Variants in CUEDC1 observed in about 807,000 individuals in gnomAD.
CUEDC1 encodes the protein CUE domain containing 1.
A neutral mutation model predicts 43.7 loss-of-function variants in CUEDC1; 30 were observed. The observed-to-expected ratio is 0.69, with a 90% confidence interval of 0.51 to 0.93. CUEDC1 has a LOEUF of 0.93. Ranked by LOEUF, CUEDC1 falls within the 40% of genes least tolerant of loss-of-function variation. The pLI is 0.00. For synonymous variants in CUEDC1, 223 were observed against 223.6 expected (o/e 1.00, Z 0.02); for missense variants, 486 against 549.0 (o/e 0.89, Z 1.15).
chr17:57,950,460 T>C (rs1598030711), intron 1 of CUEDC1, among the ~76,000 whole-genome samples: 1 of 148,988 alleles, frequency 6.7e-6, no homozygotes, highest in African/African-American at 2.5e-5. Flanking sequence ...GCCTCTTTTT[T>C]ATTTTTTTAT....
intron 1 of CUEDC1, among the ~76,000 whole-genome samples, chr17:57,891,683 G>A (rs560535409): frequency 2.5e-4 from 38 of 152,232 alleles, no homozygotes; most frequent in African/African-American, 8.9e-4. Context: ...GTCCACCAAC[G>A]AGCCAAGCAC....
intron 1 of CUEDC1, among the ~76,000 whole-genome samples, chr17:57,940,318 G>A (rs2074905837): frequency 6.6e-6 from 1 of 151,652 alleles, no homozygotes; most frequent in Non-Finnish European, 1.5e-5. Flanking sequence ...ATGGACTGAA[G>A]CTGGAAACAA....
chr17:57,877,226 T>C (rs1171109882), intron 3 of CUEDC1, among the ~76,000 whole-genome samples: 2 of 152,200 alleles, frequency 1.3e-5, no homozygotes, highest in Admixed American at 1.3e-4. Context: ...TGAGGTTACC[T>C]TGCCCCCAAG....
chr17:57,898,045 T>C (rs1040040823), intron 1 of CUEDC1, among the ~76,000 whole-genome samples: 2 of 152,012 alleles, frequency 1.3e-5, no homozygotes, highest in South Asian at 4.1e-4. Flanking sequence ...GTAGAAAAAA[T>C]CTTAAGAAAG....
At position 57,878,647 on chromosome 17, in the gene CUEDC1, ATTATTTATTTAT is replaced by A. The variant is rs10528320; in HGVS notation, c.464+952_464+963del. Among the ~76,000 whole-genome samples the A allele has an allele frequency of 5.5e-3, 810 of 147,398 alleles. 6 individuals carry two copies. Among genetic ancestry groups the A allele is most frequent in the African/African-American group, 0.02 (773 of 39,286 alleles). On this transcript the variant is annotated intron_variant, in intron 3 of 10. Transcript: ENST00000577830. Reference sequence around the variant, plus strand: ...TGGGATCTTCCTGGCAACTACCTTGATTATTTATTTATTTATTTATTTATTTATTTATTTATT... The same window carrying A: ...TGGGATCTTCCTGGCAACTACCTTGATTATTTATTTATTTATTTATTTATT...
chr17:57,875,045 GA>G (rs1345609448), intron 3 of CUEDC1, among the ~76,000 whole-genome samples: 1 of 152,068 alleles, frequency 6.6e-6, no homozygotes, highest in Non-Finnish European at 1.5e-5. Context: ...CACAACCCGG[GA>G]CTCCCATTCC....
At chr17:57,867,953 C>T (rs2073983534) in intron 8 of CUEDC1, among the ~76,000 whole-genome samples, 197 bp downstream of exon 8, 1 of 152,200 alleles carries the variant, frequency 6.6e-6, no homozygotes, top group Non-Finnish European at 1.5e-5. Context: ...CTCCCTAGGC[C>T]TGGTCCCTGG....
intron 1 of CUEDC1, among the ~76,000 whole-genome samples, chr17:57,909,442 T>G (rs1009411375): frequency 2.0e-5 from 3 of 152,250 alleles, no homozygotes; most frequent in Non-Finnish European, 4.4e-5. Flanking sequence ...AAGAGCTTTA[T>G]TATGACTTTC....
At chr17:57,949,561 A>G (rs1263249391) in intron 1 of CUEDC1, among the ~76,000 whole-genome samples, 1 of 110,700 alleles carries the variant, frequency 9.0e-6, no homozygotes, top group Non-Finnish European at 1.8e-5. Flanking sequence ...TGTCTCTGAC[A>G]TACTTTTTTT....
At position 57,885,543 on chromosome 17, in the gene CUEDC1, TCC is replaced by T; in HGVS notation, c.20_21del (p.Arg7GlnfsTer93). 1 of 1,375,854 alleles carries T rather than the reference TCC, an allele frequency of 7.3e-7. No individual in the cohort carries two copies. Among genetic ancestry groups the T allele is most frequent in the Non-Finnish European group, 9.3e-7 (1 of 1,072,046 alleles). 85.2% of individuals were successfully genotyped at this position (1,375,854 alleles called of 1,614,324 possible). On this transcript the variant is annotated frameshift_variant, in exon 2 of 11. Transcript: ENST00000577830. LOFTEE classifies it high-confidence loss of function. ...CCACCCCCGCCGCTGCCGCTGCTGC[TCC>T]GGCGGAACAGGCTGGTCATTTTGCG... MTSLFR[R>X]SSSGSGGGGT... is the part of the protein sequence containing the mutation.
chr17:57,918,402 A>G (rs781069118), intron 1 of CUEDC1, among the ~76,000 whole-genome samples: 1 of 152,004 alleles, frequency 6.6e-6, no homozygotes, highest in Non-Finnish European at 1.5e-5. Flanking sequence ...TCCCAACCTC[A>G]CCCTGGTATC....
At position 57,862,267 on chromosome 17, in the gene CUEDC1, C is replaced by T. The variant is rs538190071; in HGVS notation, c.*1022G>A. 1 of 152,902 alleles carries T rather than the reference C, an allele frequency of 6.5e-6. No individual in the cohort carries two copies. Among genetic ancestry groups the T allele is most frequent in the East Asian group, 1.9e-4 (1 of 5,184 alleles). 9.5% of individuals were successfully genotyped at this position (152,902 alleles called of 1,614,324 possible). Reference sequence around the variant, plus strand: ...AGAGTTCTCCTCCTCAGATCACCCGCCCTTCTCAGGGGCACCCAGCAAGCC... The same window carrying T: ...AGAGTTCTCCTCCTCAGATCACCCGTCCTTCTCAGGGGCACCCAGCAAGCC... On this transcript the variant is annotated 3_prime_UTR_variant, in exon 11 of 11. Coordinates refer to ENST00000577830, the MANE Select transcript of CUEDC1 (RefSeq NM_001271875.2).
chr17:57,934,774 T>G (rs2074844389), intron 1 of CUEDC1, among the ~76,000 whole-genome samples: 1 of 152,106 alleles, frequency 6.6e-6, no homozygotes, highest in Admixed American at 6.6e-5. Flanking sequence ...GTGGCGTGAT[T>G]TCGGCTCACT....
At chr17:57,872,913 C>T (rs995431723) in intron 4 of CUEDC1, 58 bp from the exon 5 acceptor site, 16 of 1,488,450 alleles carry the variant, frequency 1.1e-5, no homozygotes, top group South Asian at 3.6e-5. Context: ...GTTGCACAAA[C>T]GTCCACATCC....
intron 1 of CUEDC1, among the ~76,000 whole-genome samples, chr17:57,935,633 C>T (rs1368311305): frequency 6.6e-6 from 1 of 152,044 alleles, no homozygotes; most frequent in Non-Finnish European, 1.5e-5. Flanking sequence ...CAGGCTGGAA[C>T]TGAAAGGCTT....
At chr17:57,882,647 CCT>C (rs2074227853) in intron 2 of CUEDC1, among the ~76,000 whole-genome samples, 1 of 152,110 alleles carries the variant, frequency 6.6e-6, no homozygotes, top group Non-Finnish European at 1.5e-5. Flanking sequence ...CTCCACCACC[CCT>C]GAGACAGCAA....
intron 1 of CUEDC1, among the ~76,000 whole-genome samples, chr17:57,899,666 T>C (rs115981242): frequency 6.6e-6 from 1 of 152,184 alleles, no homozygotes; most frequent in African/African-American, 2.4e-5. Context: ...CCCCATTCAC[T>C]TGCACAGTGC....
chr17:57,893,428 T>C (rs1355917618), intron 1 of CUEDC1, among the ~76,000 whole-genome samples: 1 of 151,474 alleles, frequency 6.6e-6, no homozygotes, highest in Non-Finnish European at 1.5e-5. Context: ...AAAGGCTTGT[T>C]TTCTTCCCAA....
intron 1 of CUEDC1, among the ~76,000 whole-genome samples, chr17:57,899,519 G>A (rs1449296876): frequency 1.3e-5 from 2 of 152,148 alleles, no homozygotes; most frequent in African/African-American, 4.8e-5. Context: ...ACTGGGATTC[G>A]AACCCAGATC....
Sources: allele counts gnomAD v4.1 joint callset (sites outside exome capture counted in the v4.1 genomes callset), GRCh38; gene constraint gnomAD v4.1.1; transcripts MANE v1.5; gene names NCBI Gene and HGNC (gene_info 2026-07-23, HGNC 2026-07-21).